The following HFM1 variants were observed in gnomAD, a reference collection of about 807,000 sequenced individuals.
HFM1 encodes helicase for meiosis 1.
Under a neutral mutation model 192.1 loss-of-function variants are expected in HFM1, and 169 were observed. The ratio of observed to expected loss-of-function variants is 0.88; its 90% CI spans 0.78 to 1.00. The LOEUF (loss-of-function observed/expected upper bound fraction) is 1.00. Ranked by LOEUF, HFM1 falls within the 50% of genes least tolerant of loss-of-function variation. The pLI is 0.00. For missense variants in HFM1, 1,661 were observed against 1,668.0 expected, an observed-to-expected ratio of 1.00 and a Z score of 0.07; for synonymous variants, 525 against 537.8, an observed-to-expected ratio of 0.98 and a Z score of 0.33.
At chr1:91,268,077 TAAAC>T (rs1032004880) in intron 34 of HFM1, among the ~76,000 whole-genome samples, 7 of 152,208 alleles carry the variant, frequency 4.6e-5, no homozygotes, top group Non-Finnish European at 1.0e-4. Flanking sequence ...TTTCAACTAC[TAAAC>T]AGAGTTCTTG....
At chr1:91,364,007 G>A (rs1200183256) in intron 13 of HFM1, among the ~76,000 whole-genome samples, 2 of 152,118 alleles carry the variant, frequency 1.3e-5, no homozygotes, top group African/African-American at 2.4e-5. Context: ...GACATATGGA[G>A]GGGAACACAT....
chr1:91,347,553 G>C, intron 18 of HFM1, 77 bp from the exon 19 acceptor site: 1 of 847,596 alleles, frequency 1.2e-6, no homozygotes, highest in Non-Finnish European at 1.8e-6. Flanking sequence ...AACTAGTGAA[G>C]AGCAGTCTAA....
At chr1:91,369,999 G>A (rs2101910696) in intron 13 of HFM1, among the ~76,000 whole-genome samples, 1 of 152,232 alleles carries the variant, frequency 6.6e-6, no homozygotes, top group Middle Eastern at 3.4e-3. Context: ...AGAAGAAATG[G>A]ATAAATTCCT....
At chr1:91,373,234 T>C (rs1660477118) in intron 13 of HFM1, among the ~76,000 whole-genome samples, 1 of 151,738 alleles carries the variant, frequency 6.6e-6, no homozygotes, top group African/African-American at 2.4e-5. Flanking sequence ...CCAGAGGTGG[T>C]GGCAAAGGAA....
At chr1:91,347,733 T>C (rs1369628412) in intron 18 of HFM1, among the ~76,000 whole-genome samples, 1 of 152,202 alleles carries the variant, frequency 6.6e-6, no homozygotes. Flanking sequence ...TATCTTCTAA[T>C]GAACTTTCAT....
intron 19 of HFM1, 83 bp downstream of exon 19, chr1:91,347,346 A>C (rs1656273819): frequency 1.4e-6 from 1 of 691,250 alleles, no homozygotes; most frequent in Non-Finnish European, 2.3e-6. Flanking sequence ...ATGATTTACA[A>C]AAGCATATTC....
intron 6 of HFM1, among the ~76,000 whole-genome samples, chr1:91,381,218 G>A (rs1212273390): frequency 2.6e-5 from 4 of 152,050 alleles, no homozygotes; most frequent in Admixed American, 2.6e-4. Flanking sequence ...TTATATAAGG[G>A]TTATACCTGA....
chr1:91,275,496 C>G (rs1016259413), intron 32 of HFM1, among the ~76,000 whole-genome samples: 1 of 152,176 alleles, frequency 6.6e-6, no homozygotes, highest in African/African-American at 2.4e-5. Flanking sequence ...TGCAGGCCCT[C>G]TAAATTCAGT....
At chr1:91,299,408 T>A (rs1648288586) in intron 30 of HFM1, among the ~76,000 whole-genome samples, 1 of 152,154 alleles carries the variant, frequency 6.6e-6, no homozygotes, top group African/African-American at 2.4e-5. Flanking sequence ...ATCCAGGAAC[T>A]GAACTCAGCT....
intron 19 of HFM1, among the ~76,000 whole-genome samples, chr1:91,343,799 T>G (rs1363778809): frequency 6.6e-6 from 1 of 152,224 alleles, no homozygotes; most frequent in African/African-American, 2.4e-5. Flanking sequence ...TATTACCTCA[T>G]TTAATCTTCA....
At chr1:91,407,038 G>A (rs543569231), upstream of HFM1, among the ~76,000 whole-genome samples, 5 of 152,196 alleles carry the variant, frequency 3.3e-5, no homozygotes, top group African/African-American at 7.2e-5. Context: ...TAAAACATGC[G>A]TAATATTTAT....
chr1:91,335,860 ATGAC>A (rs1250652907), intron 20 of HFM1, among the ~76,000 whole-genome samples: 1 of 151,934 alleles, frequency 6.6e-6, no homozygotes, highest in Non-Finnish European at 1.5e-5. Context: ...GCCCCAGTCA[ATGAC>A]TGAGCATGGC....
chr1:91,368,958 G>A (rs1000822374), intron 13 of HFM1, among the ~76,000 whole-genome samples: 1 of 152,156 alleles, frequency 6.6e-6, no homozygotes, highest in Admixed American at 6.5e-5. Context: ...CCTAGTCTCT[G>A]ATAAAACAGA....
chr1:91,291,221 T>TA (rs1357498570), intron 30 of HFM1, among the ~76,000 whole-genome samples: 3 of 151,830 alleles, frequency 2.0e-5, no homozygotes, highest in African/African-American at 7.3e-5. Context: ...CTGAAGGAAA[T>TA]AGAGACACAA....
At chr1:91,345,707 A>G (rs1656039919) in intron 19 of HFM1, among the ~76,000 whole-genome samples, 1 of 152,168 alleles carries the variant, frequency 6.6e-6, no homozygotes, top group Non-Finnish European at 1.5e-5. Flanking sequence ...AAGCATGGTC[A>G]TAAAGGAATT....
chr1:91,390,934 A>G (rs1276959399), intron 4 of HFM1, among the ~76,000 whole-genome samples: 1 of 152,238 alleles, frequency 6.6e-6, no homozygotes, highest in Non-Finnish European at 1.5e-5. Flanking sequence ...AACATGCAAA[A>G]ATCACAAGTA....
intron 11 of HFM1, 80 bp from the exon 12 acceptor site, chr1:91,375,807 C>T: frequency 9.2e-7 from 1 of 1,084,590 alleles, no homozygotes; most frequent in Non-Finnish European, 1.4e-6. Flanking sequence ...TTACAAAGCA[C>T]TTTAAGGTCA....
intron 19 of HFM1, among the ~76,000 whole-genome samples, chr1:91,346,912 C>T (rs1656209559): frequency 6.6e-6 from 1 of 151,956 alleles, no homozygotes; most frequent in African/African-American, 2.4e-5. Flanking sequence ...AACTTGAGGC[C>T]AGGAGTTTGA....
intron 30 of HFM1, among the ~76,000 whole-genome samples, chr1:91,286,972 C>T (rs1469256663): frequency 6.6e-6 from 1 of 152,198 alleles, no homozygotes; most frequent in Non-Finnish European, 1.5e-5. Context: ...AAACGGCGCA[C>T]CACGAGATTA....
Sources: allele counts gnomAD v4.1 joint callset (sites outside exome capture counted in the v4.1 genomes callset), GRCh38; gene constraint gnomAD v4.1.1; transcripts MANE v1.5; gene names NCBI Gene and HGNC (gene_info 2026-07-23, HGNC 2026-07-21).